CCDC122: variants seen among roughly 807,000 people sequenced by gnomAD.
CCDC122 encodes coiled-coil domain-containing protein 122.
A neutral mutation model predicts 37.0 loss-of-function variants in CCDC122; 38 were observed. The ratio of observed to expected loss-of-function variants is 1.03; its 90% CI spans 0.79 to 1.35. The LOEUF (loss-of-function observed/expected upper bound fraction) is 1.35, where lower values mean the gene tolerates loss of function less well. CCDC122 is among the 40% of genes most tolerant of loss of function. The probability of loss-of-function intolerance (pLI) is 0.00; values close to 1 mark genes in which losing one functional copy is unlikely to be tolerated. For missense variants in CCDC122, 305 were observed against 310.0 expected, an observed-to-expected ratio of 0.98 and a Z score of 0.12; for synonymous variants, 83 against 95.6, an observed-to-expected ratio of 0.87 and a Z score of 0.77.
chr13:43,851,965 T>C (rs1432037503), intron 6 of CCDC122, among the ~76,000 whole-genome samples: 1 of 149,958 alleles, frequency 6.7e-6, no homozygotes, highest in Admixed American at 6.6e-5. Flanking sequence ...AAAAAAAACA[T>C]CCAAAGGTCA....
At chr13:43,821,984 G>A (rs1952996764), downstream of CCDC122, among the ~76,000 whole-genome samples, 1 of 152,114 alleles carries the variant, frequency 6.6e-6, no homozygotes, top group East Asian at 1.9e-4. Context: ...TCCAGGATTG[G>A]TCCCTGGTGC....
rs929835106 is a variant in CCDC122, at chr13:43,842,144, C to T, written c.673-4715G>A. ...GCTAACCCAACATAATGAAGATATC[C>T]TCCTATAGTTTCTTCTGGAAGCTTT... On this transcript the variant is annotated intron_variant, in intron 6 of 6. Coordinates refer to ENST00000444614, the MANE Select transcript of CCDC122 (RefSeq NM_144974.5). Among the ~76,000 whole-genome samples, 7 of 152,170 alleles carry T rather than the reference C, an allele frequency of 4.6e-5. No homozygotes were observed. The South Asian group carries it at 1.2e-3, about 27-fold the overall frequency.
At chr13:43,841,579 A>T (rs753570102) in intron 6 of CCDC122, among the ~76,000 whole-genome samples, 17 of 152,278 alleles carry the variant, frequency 1.1e-4, no homozygotes, top group South Asian at 4.2e-4. Context: ...GCCCATTTTT[A>T]AAAAAATGAC....
chr13:43,868,615 A>G (rs556900131), intron 4 of CCDC122, 79 bp downstream of exon 4: 6 of 702,304 alleles, frequency 8.5e-6, no homozygotes, highest in East Asian at 3.2e-5. Flanking sequence ...ACTCCCAATA[A>G]TAAGTATTTT....
At chr13:43,849,277 C>T (rs1279455561) in intron 6 of CCDC122, 1 of 169,024 alleles carries the variant, frequency 5.9e-6, no homozygotes, top group East Asian at 1.9e-4. Flanking sequence ...CATCAAAAAA[C>T]AGAAGTCTTA....
chr13:43,832,226 T>C (rs17065111), downstream of CCDC122, among the ~76,000 whole-genome samples: 1,272 of 152,094 alleles, frequency 8.4e-3, 13 homozygotes, highest in African/African-American at 0.027. Flanking sequence ...TTTTAGCTTC[T>C]GATAATTAGC....
At chr13:43,828,130 G>A (rs1357282738) in intron 3 of CCDC122, among the ~76,000 whole-genome samples, 1 of 152,108 alleles carries the variant, frequency 6.6e-6, no homozygotes, top group Non-Finnish European at 1.5e-5. Flanking sequence ...CTTTTTAGAA[G>A]AGGCATTACA....
intron 4 of CCDC122, among the ~76,000 whole-genome samples, chr13:43,868,082 T>G (rs1376583209): frequency 6.6e-6 from 1 of 152,114 alleles, no homozygotes; most frequent in Non-Finnish European, 1.5e-5. Context: ...GTAGTAAATT[T>G]GGCCTTTTGA....
chr13:43,837,564 T>C (rs991339257), intron 6 of CCDC122, 135 bp from the exon 7 acceptor site: 1 of 713,018 alleles, frequency 1.4e-6, no homozygotes, highest in African/African-American at 1.8e-5. Context: ...ATGATAAAAA[T>C]AAACAGTAAT....
chr13:43,819,917 C>T (rs1437897468), downstream of CCDC122, among the ~76,000 whole-genome samples: 7 of 151,834 alleles, frequency 4.6e-5, no homozygotes, highest in East Asian at 1.9e-4. Flanking sequence ...TTTGTCTGTT[C>T]GTTGCCAGTA....
intron 4 of CCDC122, among the ~76,000 whole-genome samples, chr13:43,864,178 A>G (rs1041148452): frequency 9.9e-5 from 15 of 152,106 alleles, no homozygotes; most frequent in African/African-American, 3.6e-4. Context: ...TGGGCACTTT[A>G]GTTTGTTCCA....
intron 3 of CCDC122, among the ~76,000 whole-genome samples, chr13:43,826,845 ATAGT>A (rs1246824825): frequency 2.0e-5 from 3 of 152,218 alleles, no homozygotes; most frequent in Non-Finnish European, 4.4e-5. Context: ...TACTAGAATT[ATAGT>A]TAAATTTCAT....
chr13:43,820,125 A>G (rs1952983354), downstream of CCDC122, among the ~76,000 whole-genome samples: 3 of 152,334 alleles, frequency 2.0e-5, no homozygotes, highest in South Asian at 6.2e-4. Context: ...CTTGAAAAAC[A>G]TAGTATAAAC....
chr13:43,828,829 T>C (rs973290172), intron 3 of CCDC122, among the ~76,000 whole-genome samples: 1 of 152,204 alleles, frequency 6.6e-6, no homozygotes, highest in Non-Finnish European at 1.5e-5. Context: ...TTTGTTTCTA[T>C]TACTATGTCC....
At chr13:43,829,333 T>G (rs1388721314) in intron 3 of CCDC122, among the ~76,000 whole-genome samples, 4 of 151,936 alleles carry the variant, frequency 2.6e-5, no homozygotes, top group African/African-American at 9.7e-5. Context: ...TGAGACGGAG[T>G]CTTGCTCTAT....
intron 6 of CCDC122, chr13:43,858,571 T>C: frequency 3.9e-6 from 1 of 259,172 alleles, no homozygotes; most frequent in Non-Finnish European, 7.0e-6. Flanking sequence ...AATGCTTGCA[T>C]TGTTTGAACA....
chr13:43,844,055 C>T (rs971282816), intron 6 of CCDC122, among the ~76,000 whole-genome samples: 1 of 150,896 alleles, frequency 6.6e-6, no homozygotes, highest in African/African-American at 2.5e-5. Flanking sequence ...TTTCTGTTAT[C>T]TATCATTTAA....
intron 6 of CCDC122, among the ~76,000 whole-genome samples, chr13:43,847,572 G>A (rs900969570): frequency 6.6e-6 from 1 of 152,048 alleles, no homozygotes; most frequent in Non-Finnish European, 1.5e-5. Flanking sequence ...ATGTTATTAT[G>A]GGGAATTTAA....
chr13:43,870,881 T>C (rs964667269), intron 2 of CCDC122, among the ~76,000 whole-genome samples: 3 of 152,078 alleles, frequency 2.0e-5, no homozygotes, highest in Non-Finnish European at 4.4e-5. Context: ...AAGAATTATG[T>C]CTTCCATATA....
Sources: allele counts gnomAD v4.1 joint callset (sites outside exome capture counted in the v4.1 genomes callset), GRCh38; gene constraint gnomAD v4.1.1; transcripts MANE v1.5; gene names NCBI Gene and HGNC (gene_info 2026-07-23, HGNC 2026-07-21).